Variants in MYSM1 observed in about 807,000 individuals in gnomAD.
MYSM1 encodes Myb like, SWIRM and MPN domains 1.
Under a neutral mutation model 116.0 loss-of-function variants are expected in MYSM1, and 51 were observed. The ratio of observed to expected loss-of-function variants is 0.44; its 90% CI spans 0.35 to 0.56. The LOEUF (loss-of-function observed/expected upper bound fraction) is 0.56, where lower values mean the gene tolerates loss of function less well. Among genes scored for constraint, MYSM1 ranks in the 20% least tolerant of loss-of-function variants. The probability of loss-of-function intolerance (pLI) is 0.00; values close to 1 mark genes in which losing one functional copy is unlikely to be tolerated. For synonymous variants in MYSM1, 313 were observed against 315.2 expected (o/e 0.99, Z 0.07); for missense variants, 900 against 974.9 (o/e 0.92, Z 1.02).
chr1:58,697,805 T>C (rs1314624061), intron 1 of MYSM1, among the ~76,000 whole-genome samples: 1 of 151,340 alleles, frequency 6.6e-6, no homozygotes, highest in Non-Finnish European at 1.5e-5. Flanking sequence ...GTCAGGCTGA[T>C]CTCGAACTCC....
chr1:58,659,777 C>G lies in MYSM1; in HGVS notation c.*220G>C. On this transcript the variant is annotated 3_prime_UTR_variant, in exon 20 of 20. Transcript: ENST00000472487. ...CATTGCTCAGTAAAGGACTAGAACA[C>G]CGTGGTGGACCCTGGTTTGCAGAAC... 1 of 359,514 alleles carries G rather than the reference C, an allele frequency of 2.8e-6. No homozygotes were observed. The highest frequency in any genetic ancestry group is 2.1e-5 in the African/African-American group (1 of 47,312). 22.3% of individuals were successfully genotyped at this position (359,514 alleles called of 1,614,324 possible).
intron 2 of MYSM1, among the ~76,000 whole-genome samples, chr1:58,693,522 G>A (rs1042436445): frequency 2.0e-5 from 3 of 152,066 alleles, no homozygotes; most frequent in African/African-American, 4.8e-5. Flanking sequence ...CCAACTCTAC[G>A]AAAGGCACTA....
chr1:58,666,576 C>CTT lies in MYSM1; in HGVS notation c.2031+460_2031+461dup, dbSNP rs36057863. Among the ~76,000 whole-genome samples, 1,034 of 131,364 alleles carry CTT rather than the reference C, an allele frequency of 7.9e-3. 14 individuals are homozygous for CTT. Among genetic ancestry groups the CTT allele is most frequent in the South Asian group, 0.014 (61 of 4,394 alleles). The allele number at this position is 131,364 out of a possible 152,430, so 86.2% of individuals were successfully genotyped here. A position where few individuals can be genotyped will look rare whatever the true frequency, so the allele number is the denominator to read the frequency against. ...AACCCCCAGTATATGTATTTTTTTTCTTTTTTTTTTTTTTGGCTGGGTGTG... is the reference window on the plus strand; with the variant it reads ...AACCCCCAGTATATGTATTTTTTTTCTTTTTTTTTTTTTTTTGGCTGGGTGTG... On this transcript the variant is annotated intron_variant, in intron 16 of 19. Coordinates refer to ENST00000472487, the MANE Select transcript of MYSM1 (RefSeq NM_001085487.3).
chr1:58,656,727 T>C lies in MYSM1; in HGVS notation c.*3270A>G, dbSNP rs981857061. 1 of 152,188 alleles carries C rather than the reference T, an allele frequency of 6.6e-6. No individual in the cohort carries two copies. Among genetic ancestry groups the C allele is most frequent in the Non-Finnish European group, 1.5e-5 (1 of 68,056 alleles). 9.4% of individuals were successfully genotyped at this position (152,188 alleles called of 1,614,324 possible). On this transcript the variant is annotated 3_prime_UTR_variant, in exon 20 of 20. Transcript: ENST00000472487. ...TGGGAGAAGGGGACAGAATAATGAC[T>C]GCTATTTTTCCAATGATGCCCTTCA...
intron 8 of MYSM1, among the ~76,000 whole-genome samples, chr1:58,680,716 G>A (rs1644727676): frequency 6.6e-6 from 1 of 152,170 alleles, no homozygotes; most frequent in Non-Finnish European, 1.5e-5. Flanking sequence ...GAGAACAAAG[G>A]ACAAAGCAGA....
rs563880176 is a variant in MYSM1 at position 58,655,019 on chromosome 1, A to G, written c.*4978T>C. 6.6e-6 allele frequency: 1 copy of G among 152,322 alleles called. No homozygotes were observed. The highest frequency in any genetic ancestry group is 2.1e-4 in the South Asian group (1 of 4,828). 9.4% of individuals were successfully genotyped at this position (152,322 alleles called of 1,614,324 possible). ...ATTCCAAAATTCAAACTAATTTTTA[A>G]AAGTCCACAAACACTGATAGCATTT... On this transcript the variant is annotated 3_prime_UTR_variant, in exon 20 of 20. Transcript: ENST00000472487.
At chr1:58,675,680 A>C (rs1644639773) in intron 9 of MYSM1, 100 bp from the exon 10 acceptor site, 1 of 813,874 alleles carries the variant, frequency 1.2e-6, no homozygotes, top group Non-Finnish European at 2.0e-6. Flanking sequence ...GGCTTCTATG[A>C]CTCTTATTTC....
chr1:58,698,704 G>A (rs1001588093), intron 1 of MYSM1, among the ~76,000 whole-genome samples: 13 of 152,248 alleles, frequency 8.5e-5, no homozygotes, highest in African/African-American at 2.9e-4. Flanking sequence ...AACTTGTTGC[G>A]AAAAGTAAAT....
chr1:58,696,800 G>GATATCACTGTTGTATATCAGA (rs1299156974), intron 1 of MYSM1, among the ~76,000 whole-genome samples: 1 of 152,182 alleles, frequency 6.6e-6, no homozygotes, highest in African/African-American at 2.4e-5. Flanking sequence ...ATCAGTGCAT[G>GATATCACTGTTGTATATCAGA]GCATGTAGAA....
chr1:58,679,575 C>CA (rs1196661553), intron 8 of MYSM1, among the ~76,000 whole-genome samples: 6 of 152,162 alleles, frequency 3.9e-5, no homozygotes, highest in Admixed American at 3.9e-4. Flanking sequence ...TCTCCTGCTT[C>CA]AGTCTCCTGA....
At chr1:58,679,039 G>A (rs1644698783) in intron 8 of MYSM1, among the ~76,000 whole-genome samples, 1 of 152,220 alleles carries the variant, frequency 6.6e-6, no homozygotes, top group African/African-American at 2.4e-5. Context: ...GAGGCATTCA[G>A]TAATGGTACT....
chr1:58,671,911 G>A lies in MYSM1; in HGVS notation c.1620C>T (p.Gly540=). The change falls in exon 12 of 20, where the codon GGC becomes GGT. Residue 540 remains glycine, a synonymous_variant. Coordinates refer to ENST00000472487, the MANE Select transcript of MYSM1 (RefSeq NM_001085487.3). ...GCACTTTTAAAGATTTAACAGGTCT[G>A]CCTTTTTCCTCTTCTCTTCTTTTTG... The part of the protein sequence containing the change: ...ELAKRREEEK[G]RPVKSLKVPR... 1 of 1,613,404 alleles carries A rather than the reference G, an allele frequency of 6.2e-7. No individual in the cohort carries two copies. The highest frequency in any genetic ancestry group is 2.2e-5 in the East Asian group (1 of 44,818).
chr1:58,696,781 C>T (rs1398450544), intron 1 of MYSM1, among the ~76,000 whole-genome samples: 1 of 152,152 alleles, frequency 6.6e-6, no homozygotes, highest in Non-Finnish European at 1.5e-5. Context: ...TTTTGATACA[C>T]TGTTGTATAT....
chr1:58,694,838 C>A (rs946679749), intron 2 of MYSM1, among the ~76,000 whole-genome samples: 11 of 152,114 alleles, frequency 7.2e-5, no homozygotes, highest in South Asian at 2.1e-4. Context: ...CCACCTACCA[C>A]TTTTTTAGGT....
intron 1 of MYSM1, 25 bp downstream of exon 1, chr1:58,699,960 G>C (rs374927504): frequency 3.7e-6 from 6 of 1,613,030 alleles, no homozygotes; most frequent in Non-Finnish European, 5.1e-6. Flanking sequence ...CTCCGCCCCA[G>C]AGAGACCCGG....
chr1:58,669,156 G>T, intron 12 of MYSM1, 118 bp from the exon 13 acceptor site: 1 of 671,100 alleles, frequency 1.5e-6, no homozygotes, highest in Non-Finnish European at 2.4e-6. Context: ...AAATGAGAGA[G>T]TTTTGTAGGA....
chr1:58,679,438 T>C (rs2100641468), intron 8 of MYSM1, among the ~76,000 whole-genome samples: 1 of 152,242 alleles, frequency 6.6e-6, no homozygotes, highest in Admixed American at 6.5e-5. Flanking sequence ...TTGATTAAAG[T>C]AACAAGAATA....
chr1:58,696,648 A>G (rs1340900443), intron 1 of MYSM1, among the ~76,000 whole-genome samples: 1 of 152,218 alleles, frequency 6.6e-6, no homozygotes, highest in Admixed American at 6.5e-5. Flanking sequence ...AATGTAAAAG[A>G]TAAAGCTGAC....
chr1:58,683,641 A>G (rs570386069), intron 7 of MYSM1, among the ~76,000 whole-genome samples: 8 of 152,342 alleles, frequency 5.3e-5, no homozygotes, highest in Admixed American at 2.0e-4. Flanking sequence ...AAAGTCTTAT[A>G]AATGACTAAC....
Sources: allele counts gnomAD v4.1 joint callset (sites outside exome capture counted in the v4.1 genomes callset), GRCh38; gene constraint gnomAD v4.1.1; transcripts MANE v1.5; gene names NCBI Gene and HGNC (gene_info 2026-07-23, HGNC 2026-07-21).